The following TMEM62 variants were observed in gnomAD, a reference collection of about 807,000 sequenced individuals.
TMEM62 encodes transmembrane protein 62.
TMEM62 carries 41 observed loss-of-function variants against 70.4 expected under a neutral mutation model. The observed-to-expected ratio is 0.58, with a 90% confidence interval of 0.45 to 0.76. The LOEUF (loss-of-function observed/expected upper bound fraction) is 0.76, where lower values mean the gene tolerates loss of function less well. Ranked by LOEUF, TMEM62 falls within the 30% of genes least tolerant of loss-of-function variation. The pLI is 0.00. For synonymous variants in TMEM62, 268 were observed against 291.0 expected (o/e 0.92, Z 0.80); for missense variants, 688 against 788.5 (o/e 0.87, Z 1.53).
At chr15:43,134,491 T>C in intron 2 of TMEM62, 123 bp downstream of exon 2, 1 of 715,230 alleles carries the variant, frequency 1.4e-6, no homozygotes, top group East Asian at 2.7e-5. Context: ...AGGTGAGCTC[T>C]GTGAGGTGGA....
rs2039970450 is a variant in TMEM62 at position 43,169,570 on chromosome 15, CGTTAACAT to C, written c.1297-22_1297-15del. 2 of 1,599,764 alleles carry C rather than the reference CGTTAACAT, an allele frequency of 1.3e-6. No individual in the cohort carries two copies. The highest frequency in any genetic ancestry group is 1.7e-6 in the Non-Finnish European group (2 of 1,169,552). ...AAAGTGTACCCATGTATCTATTTCACGTTAACATCTATTTCCCTGCAGGCCCGGGTCCT... is the reference window on the plus strand; with the variant it reads ...AAAGTGTACCCATGTATCTATTTCACCTATTTCCCTGCAGGCCCGGGTCCT... On this transcript the variant is annotated splice_polypyrimidine_tract_variant and intron_variant, in intron 10 of 13. Transcript: ENST00000260403.
At chr15:43,144,719 T>C (rs2036447925) in intron 4 of TMEM62, among the ~76,000 whole-genome samples, 1 of 152,182 alleles carries the variant, frequency 6.6e-6, no homozygotes, top group Admixed American at 6.5e-5. Flanking sequence ...CTTTTGTTAA[T>C]GTGAGAAAGG....
chr15:43,164,754 CTTTG>C (rs923508010), intron 10 of TMEM62, among the ~76,000 whole-genome samples: 1 of 152,094 alleles, frequency 6.6e-6, no homozygotes, highest in Non-Finnish European at 1.5e-5. Flanking sequence ...AATCCCTCAG[CTTTG>C]TTTGTTTGGG....
chr15:43,148,263 C>T lies in TMEM62; in HGVS notation c.619-492C>T, dbSNP rs368231524. Reference sequence around the variant, plus strand: ...CAGTATAATGTTTCTGAGATCCATCCGTATGATTGTGTGTATCAGTAGTTC... The same window carrying T: ...CAGTATAATGTTTCTGAGATCCATCTGTATGATTGTGTGTATCAGTAGTTC... On this transcript the variant is annotated intron_variant, in intron 5 of 13. Coordinates refer to ENST00000260403, the MANE Select transcript of TMEM62 (RefSeq NM_024956.4). Among the ~76,000 whole-genome samples, 6 of 152,128 alleles carry T rather than the reference C, an allele frequency of 3.9e-5. No individual in the cohort carries two copies. In the East Asian group the frequency reaches 9.6e-4, roughly 24 times the overall value.
intron 9 of TMEM62, 46 bp from the exon 10 acceptor site, chr15:43,160,635 A>G (rs1242603116): frequency 9.0e-6 from 9 of 1,004,516 alleles, no homozygotes; most frequent in Non-Finnish European, 1.4e-5. Context: ...CATTATAAAT[A>G]TTTCCATGTA....
At chr15:43,163,553 C>T (rs375165840) in intron 10 of TMEM62, among the ~76,000 whole-genome samples, 3 of 151,940 alleles carry the variant, frequency 2.0e-5, no homozygotes, top group East Asian at 1.9e-4. Context: ...GAGGCTGAGG[C>T]GGGCGGATCA....
chr15:43,167,113 T>C (rs368106873), intron 10 of TMEM62, among the ~76,000 whole-genome samples: 1 of 150,740 alleles, frequency 6.6e-6, no homozygotes, highest in Non-Finnish European at 1.5e-5. Context: ...TAGGGGCGGC[T>C]GGGCAGAGGC....
rs1231361086 is a variant in TMEM62 at position 43,133,885 on chromosome 15, T to A, written c.83T>A (p.Leu28Gln). The change falls in exon 1 of 14, where the codon CTG becomes CAG. Residue 28 changes from leucine (L) to glutamine (Q), a missense_variant. Leu to Gln is a moderately radical substitution (Grantham distance 113). Coordinates refer to ENST00000260403, the MANE Select transcript of TMEM62 (RefSeq NM_024956.4). ...GCCATGCTCTTGGAGCACTACGGCC[T>A]GGCGGGCCAGCCCTCGCCGCTGCCG... is the stretch of plus-strand genomic sequence containing the variant. ...LVAMLLEHYG[L>Q]AGQPSPLPRP... The A allele has an allele frequency of 1.3e-6, 2 of 1,500,400 alleles. No homozygotes were observed. Among genetic ancestry groups the A allele is most frequent in the Non-Finnish European group, 1.8e-6 (2 of 1,133,064 alleles). 92.9% of individuals were successfully genotyped at this position (1,500,400 alleles called of 1,614,324 possible). A position where few individuals can be genotyped will look rare whatever the true frequency, so the allele number is the denominator to read the frequency against.
chr15:43,133,777 G>C lies in TMEM62; in HGVS notation c.-26G>C, dbSNP rs2034728758. 1 of 1,344,876 alleles carries C rather than the reference G, an allele frequency of 7.4e-7. No individual in the cohort carries two copies. The allele number at this position is 1,344,876 out of a possible 1,614,324, so 83.3% of individuals were successfully genotyped here. A position where few individuals can be genotyped will look rare whatever the true frequency, so the allele number is the denominator to read the frequency against. ...GCGCGGTCCTGCGCGGGATCAGCGA[G>C]GGCCGCGCCCCGGCGGGCGGGCGGC... On this transcript the variant is annotated 5_prime_UTR_variant, in exon 1 of 14. Coordinates refer to ENST00000260403, the MANE Select transcript of TMEM62 (RefSeq NM_024956.4).
At chr15:43,139,417 AG>A (rs919777705) in intron 4 of TMEM62, among the ~76,000 whole-genome samples, 7 of 152,198 alleles carry the variant, frequency 4.6e-5, no homozygotes, top group Admixed American at 2.6e-4. Context: ...TTCAAGTGAA[AG>A]GAAGGGCCCA....
Position 43,169,663 on chromosome 15 carries a change from A to C in TMEM62, c.1367A>C (p.Tyr456Ser). 1.2e-6 allele frequency: 2 copies of C among 1,613,986 alleles called. No individual in the cohort carries two copies. The highest frequency in any genetic ancestry group is 1.7e-6 in the Non-Finnish European group (2 of 1,179,878). Residue 456 changes from tyrosine (Y) to serine (S), a missense_variant, in exon 11 of 14, where the codon TAC becomes TCC. Coordinates refer to ENST00000260403, the MANE Select transcript of TMEM62 (RefSeq NM_024956.4). Reference sequence around the variant, plus strand: ...CTCATTATTTTTAGATATCGAGGATACCCAGAGCTTAAAGGTTAGTTATGG... The same window carrying C: ...CTCATTATTTTTAGATATCGAGGATCCCCAGAGCTTAAAGGTTAGTTATGG... The part of the protein sequence containing the change: ...TILIIFRYRG[Y>S]PELKEPSGFI...
At chr15:43,138,553 T>C in intron 3 of TMEM62, 21 bp from the exon 4 acceptor site, 1 of 991,602 alleles carries the variant, frequency 1.0e-6, no homozygotes, top group Non-Finnish European at 1.4e-6. Context: ...AATGTTTGCT[T>C]TTTTTTTTTT....
rs936255246 is a variant in TMEM62 at position 43,184,074 on chromosome 15, A to G, written c.1606-186A>G. 9.9e-6 allele frequency: 6 copies of G among 606,604 alleles called. 1 individual carries two copies. The African/African-American group carries it at 1.1e-4, about 11-fold the overall frequency. The allele number at this position is 606,604 out of a possible 1,614,324, so 37.6% of individuals were successfully genotyped here. On this transcript the variant is annotated intron_variant, in intron 13 of 13. Transcript: ENST00000260403. ...ATGATACCTGCCTCTAAGATGAATA[A>G]AAGGACATGGGCAAATACACAACTA...
chr15:43,151,691 A>G, intron 7 of TMEM62, 99 bp from the exon 8 acceptor site: 1 of 1,002,462 alleles, frequency 1.0e-6, no homozygotes, highest in South Asian at 1.8e-5. Flanking sequence ...CATGTAAAAA[A>G]GTCCTAGTTA....
chr15:43,134,329 A>G lies in TMEM62; in HGVS notation c.253A>G (p.Thr85Ala), dbSNP rs747466547. The G allele has an allele frequency of 3.7e-6, 6 of 1,614,132 alleles. No homozygotes were observed. Among genetic ancestry groups the G allele is most frequent in the Non-Finnish European group, 5.1e-6 (6 of 1,180,002 alleles). ...AGACTTAGAGAAATTCTGTTCTGAA[A>G]CTATTGACATCATTCAACCAGCTCT... ...AVDLEKFCSE[T>A]IDIIQPALVL... is the part of the protein sequence containing the mutation. Residue 85 changes from threonine (T) to alanine (A), a missense_variant, in exon 2 of 14, where the codon ACT becomes GCT. By Grantham distance (58) the Thr-to-Ala change is moderately conservative. Coordinates refer to ENST00000260403, the MANE Select transcript of TMEM62 (RefSeq NM_024956.4).
At chr15:43,139,667 ACAAT>A (rs2035727264) in intron 4 of TMEM62, among the ~76,000 whole-genome samples, 2 of 152,348 alleles carry the variant, frequency 1.3e-5, no homozygotes, top group South Asian at 4.1e-4. Flanking sequence ...TTCTGGATAG[ACAAT>A]CAAACCACCT....
intron 4 of TMEM62, among the ~76,000 whole-genome samples, chr15:43,139,242 C>T (rs933883935): frequency 6.6e-6 from 1 of 152,128 alleles, no homozygotes; most frequent in South Asian, 2.1e-4. Context: ...CAAACCTTGC[C>T]CATATAAGTC....
intron 10 of TMEM62, among the ~76,000 whole-genome samples, chr15:43,165,286 A>G (rs1280807131): frequency 6.7e-6 from 1 of 149,258 alleles, no homozygotes; most frequent in African/African-American, 2.5e-5. Context: ...GTATTTTCAT[A>G]TAGATGGTCT....
chr15:43,147,753 C>T (rs2036854436), intron 5 of TMEM62, among the ~76,000 whole-genome samples: 1 of 151,954 alleles, frequency 6.6e-6, no homozygotes, highest in South Asian at 2.1e-4. Context: ...ATATTAAATC[C>T]CATTCCTTAG....
Sources: gnomAD v4.1 joint callset for allele counts (sites outside exome capture counted in the v4.1 genomes callset) on GRCh38, gnomAD v4.1.1 for gene constraint, MANE v1.5 for transcripts, NCBI Gene and HGNC (gene_info 2026-07-23, HGNC 2026-07-21) for gene names.